Variants in SPEG observed in about 807,000 individuals in gnomAD.
SPEG encodes the protein striated muscle preferentially expressed protein kinase.
Under a neutral mutation model 300.4 loss-of-function variants are expected in SPEG, and 114 were observed. That is an observed-to-expected ratio of 0.38 (90% CI 0.33 to 0.44). SPEG has a LOEUF of 0.44. SPEG is among the 20% of genes least tolerant of loss of function. SPEG has a pLI of 1.00. For missense variants in SPEG, 4,201 were observed against 4,586.2 expected, an observed-to-expected ratio of 0.92 and a Z score of 2.43; for synonymous variants, 1,964 against 2,018.9, an observed-to-expected ratio of 0.97 and a Z score of 0.73.
chr2:219,485,388 G>A lies in SPEG; in HGVS notation c.7652G>A (p.Arg2551Gln), dbSNP rs779215975. The change falls in exon 31 of 41, where the codon CGG becomes CAG. Residue 2551 changes from arginine (R) to glutamine (Q), a missense_variant. Physicochemically the swap from Arg to Gln is conservative, Grantham distance 43. Around this residue, in one of 4 missense-constraint regions of SPEG, gnomAD observed 1,578 missense variants for 1,506.0 expected, o/e 1.05. Coordinates refer to ENST00000312358, the MANE Select transcript of SPEG (RefSeq NM_005876.5). ...SRSRLRWGFSRPRKDKGLSPP... is the reference protein window; with the variant it reads ...SRSRLRWGFSQPRKDKGLSPP... ...AGCCGGCTCCGCTGGGGCTTCTCTCGGCCGCGGAAGGACAAGGGGTTATCG... is the reference window on the plus strand; with the variant it reads ...AGCCGGCTCCGCTGGGGCTTCTCTCAGCCGCGGAAGGACAAGGGGTTATCG... 1.9e-6 allele frequency: 3 copies of A among 1,607,486 alleles called. No individual in the cohort carries two copies. Among genetic ancestry groups the A allele is most frequent in the East Asian group, 2.2e-5 (1 of 44,596 alleles).
chr2:219,468,105 C>T (rs901328768), intron 10 of SPEG, among the ~76,000 whole-genome samples: 2 of 152,238 alleles, frequency 1.3e-5, no homozygotes, highest in African/African-American at 4.8e-5. Flanking sequence ...CCCTTATCTC[C>T]TCCAGAAGCT....
Position 219,482,845 on chromosome 2 carries a change from G to GGTGGCAGGTAAGT in SPEG, c.5634+2_5634+14dup, listed in dbSNP as rs1559416869. 1.2e-6 allele frequency: 2 copies of GGTGGCAGGTAAGT among 1,613,858 alleles called. No individual in the cohort carries two copies. Among genetic ancestry groups the GGTGGCAGGTAAGT allele is most frequent in the South Asian group, 2.2e-5 (2 of 91,072 alleles). Reference sequence around the variant, plus strand: ...CTGAAGCTATTCCTCTCCCGGCGGAGGTGGCAGGTAAGTGTGGCAGGCCAG... The same window carrying GGTGGCAGGTAAGT: ...CTGAAGCTATTCCTCTCCCGGCGGAGGTGGCAGGTAAGTGTGGCAGGTAAGTGTGGCAGGCCAG... On this transcript the variant is annotated frameshift_variant, in exon 29 of 41. Transcript: ENST00000312358. LOFTEE classifies it high-confidence loss of function.
At chr2:219,488,730 C>T in intron 33 of SPEG, 48 bp from the exon 34 acceptor site, 2 of 1,611,404 alleles carry the variant, frequency 1.2e-6, no homozygotes, top group Non-Finnish European at 1.7e-6. Context: ...TTGAGGGGTT[C>T]TTAGCTAGGG....
In SPEG at chr2:219,493,234, A is replaced by T; in HGVS notation, c.*448A>T. ...GGAGTCAGTGTGGCAAAGCGGGGGCAGGACACAGATACAGTGGCAGGGGCC... is the reference window on the plus strand; with the variant it reads ...GGAGTCAGTGTGGCAAAGCGGGGGCTGGACACAGATACAGTGGCAGGGGCC... On this transcript the variant is annotated 3_prime_UTR_variant, in exon 41 of 41. Transcript: ENST00000312358. The T allele has an allele frequency of 2.7e-6, 1 of 367,412 alleles. No homozygotes were observed. The highest frequency in any genetic ancestry group is 2.1e-5 in the South Asian group (1 of 48,466). The allele number at this position is 367,412 out of a possible 1,614,324, so 22.8% of individuals were successfully genotyped here.
chr2:219,472,133 GC>G, intron 14 of SPEG, 93 bp from the exon 15 acceptor site: 1 of 1,522,600 alleles, frequency 6.6e-7, no homozygotes, highest in South Asian at 1.2e-5. Flanking sequence ...CTGCGGCTGA[GC>G]CCCCAGGCCC....
Position 219,493,320 on chromosome 2 carries a change from G to A in SPEG, c.*534G>A. The A allele has an allele frequency of 2.8e-6, 1 of 357,008 alleles. No homozygotes were observed. The highest frequency in any genetic ancestry group is 2.1e-5 in the South Asian group (1 of 47,778). The allele number at this position is 357,008 out of a possible 1,614,324, so 22.1% of individuals were successfully genotyped here. ...AGAGGGAGAAGAGAGGACTCAGGTGGAGGTGGGGTGGGTCAGCTGTCAGCA... is the reference window on the plus strand; with the variant it reads ...AGAGGGAGAAGAGAGGACTCAGGTGAAGGTGGGGTGGGTCAGCTGTCAGCA... On this transcript the variant is annotated 3_prime_UTR_variant, in exon 41 of 41. Transcript: ENST00000312358.
intron 9 of SPEG, chr2:219,466,166 A>AC: frequency 6.6e-7 from 1 of 1,519,304 alleles, no homozygotes; most frequent in Non-Finnish European, 8.8e-7. Context: ...CTGCCCACAG[A>AC]CCCAGGCCTG....
At position 219,448,192 on chromosome 2, in the gene SPEG, C is replaced by G; in HGVS notation, c.1034C>G (p.Pro345Arg). ...PHRRTQEPVL[P>R]EDTTTEEKRG... ...CGTCGCACTCAGGAGCCTGTGCTGC[C>G]CGAGGACACCACCACCGAAGAGAAG... Residue 345 changes from proline (P) to arginine (R), a missense_variant, in exon 4 of 41, where the codon CCC becomes CGC. Pro to Arg is a moderately radical substitution (Grantham distance 103, BLOSUM62 -2). Transcript: ENST00000312358. 1 of 1,612,358 alleles carries G rather than the reference C, an allele frequency of 6.2e-7. No homozygotes were observed.
Position 219,464,967 on chromosome 2 carries a change from C to A in SPEG, c.2881+359C>A, listed in dbSNP as rs928680771. On this transcript the variant is annotated intron_variant, in intron 9 of 40. Transcript: ENST00000312358. The surrounding 1 kb of genome is among the most constrained non-coding windows in gnomAD (Gnocchi z 4.5). ...CTCTGCCCAGGACCCTCCCTCATCCCCCTCCCCCTCTCCTCTCGCCCCTTT... is the reference window on the plus strand; with the variant it reads ...CTCTGCCCAGGACCCTCCCTCATCCACCTCCCCCTCTCCTCTCGCCCCTTT... 5.0e-6 allele frequency: 1 copy of A among 200,162 alleles called. No homozygotes were observed. The highest frequency in any genetic ancestry group is 1.3e-4 in the East Asian group (1 of 7,982). The allele number at this position is 200,162 out of a possible 1,614,324, so 12.4% of individuals were successfully genotyped here.
Position 219,461,886 on chromosome 2 carries a change from G to T in SPEG, c.2445G>T (p.Gly815=), listed in dbSNP as rs1426003759. The stretch of plus-strand genomic sequence containing the variant: ...GCTATCTCTGTCTCTCTCCAGGTGG[G>T]TCTACATCCCCTTTCAGCAGCCCCA... The part of the protein sequence containing the change: ...CAASLTVRPG[G]STSPFSSPIT... The change falls in exon 7 of 41, where the codon GGG becomes GGT. Residue 815 remains glycine (G), a synonymous_variant. Coordinates refer to ENST00000312358, the MANE Select transcript of SPEG (RefSeq NM_005876.5). 2 of 1,613,802 alleles carry T rather than the reference G, an allele frequency of 1.2e-6. No individual in the cohort carries two copies. The highest frequency in any genetic ancestry group is 2.2e-5 in the South Asian group (2 of 91,052).
At chr2:219,441,695 T>G in intron 1 of SPEG, 1 of 403,298 alleles carries the variant, frequency 2.5e-6, no homozygotes, top group Admixed American at 2.7e-5. Context: ...TGCCTAGGGC[T>G]CCGGAGGCAG....
chr2:219,436,810 C>A (rs1435055573), intron 1 of SPEG, among the ~76,000 whole-genome samples: 1 of 152,126 alleles, frequency 6.6e-6, no homozygotes. Context: ...TTCTAGCAGA[C>A]TTCGGAGCTG....
At chr2:219,456,481 G>A (rs1235172823) in intron 6 of SPEG, among the ~76,000 whole-genome samples, 1 of 152,252 alleles carries the variant, frequency 6.6e-6, no homozygotes, top group African/African-American at 2.4e-5. Flanking sequence ...AGGCCTGCCT[G>A]ACAGGTGGCC....
chr2:219,475,529 G>A (rs918577291), intron 18 of SPEG, among the ~76,000 whole-genome samples: 4 of 152,194 alleles, frequency 2.6e-5, no homozygotes, highest in Admixed American at 6.5e-5. Flanking sequence ...TGGCCGTGCT[G>A]TGAAGATGGT....
At chr2:219,468,376 T>C (rs1002277174) in intron 10 of SPEG, among the ~76,000 whole-genome samples, 6 of 152,082 alleles carry the variant, frequency 3.9e-5, no homozygotes, top group African/African-American at 1.4e-4. Context: ...ACCATGGCAG[T>C]CTGCACCCAC....
intron 22 of SPEG, among the ~76,000 whole-genome samples, chr2:219,478,872 A>T (rs750877160): frequency 1.2e-4 from 18 of 151,990 alleles, no homozygotes; most frequent in Non-Finnish European, 2.6e-4. Context: ...TTCCCATATT[A>T]CTCCTGGGAG....
intron 9 of SPEG, chr2:219,466,815 T>C: frequency 1.9e-6 from 2 of 1,042,844 alleles, no homozygotes; most frequent in Non-Finnish European, 2.3e-6. Flanking sequence ...CGTGGAGAAA[T>C]TTGGAAACAC....
chr2:219,439,723 G>C lies in SPEG; in HGVS notation c.388+4358G>C, dbSNP rs1954808122. Reference sequence around the variant, plus strand: ...TTCAGGAGTGAGCAGTGCCGACCCAGAGCAGGAACACAGAATCCTGCCGGC... The same window carrying C: ...TTCAGGAGTGAGCAGTGCCGACCCACAGCAGGAACACAGAATCCTGCCGGC... On this transcript the variant is annotated intron_variant, in intron 1 of 40. Coordinates refer to ENST00000312358, the MANE Select transcript of SPEG (RefSeq NM_005876.5). This position sits in a 1 kb window ranked among gnomAD's most constrained non-coding sequence, Gnocchi z 4.5. Among the ~76,000 whole-genome samples the C allele has an allele frequency of 6.6e-6, 1 of 152,178 alleles. No homozygotes were observed. The highest frequency in any genetic ancestry group is 1.5e-5 in the Non-Finnish European group (1 of 68,020).
chr2:219,477,599 T>G lies in SPEG; in HGVS notation c.4730-90T>G. On this transcript the variant is annotated intron_variant, in intron 20 of 40. Transcript: ENST00000312358. The surrounding 1 kb of genome is among the most constrained non-coding windows in gnomAD (Gnocchi z 6.4). Reference sequence around the variant, plus strand: ...TGAGCCCCCAACATTCTTGCACCTCTTCTCTCTTCTTCTTCTGTCCACCTG... The same window carrying G: ...TGAGCCCCCAACATTCTTGCACCTCGTCTCTCTTCTTCTTCTGTCCACCTG... 1.4e-6 allele frequency: 2 copies of G among 1,387,576 alleles called. No homozygotes were observed. Among genetic ancestry groups the G allele is most frequent in the Non-Finnish European group, 2.0e-6 (2 of 1,016,274 alleles). The allele number at this position is 1,387,576 out of a possible 1,614,324, so 86.0% of individuals were successfully genotyped here. A position where few individuals can be genotyped will look rare whatever the true frequency, so the allele number is the denominator to read the frequency against.
Sources: gnomAD v4.1 joint callset for allele counts (sites outside exome capture counted in the v4.1 genomes callset) on GRCh38, gnomAD v4.1.1 for gene constraint, gnomAD v4.1.1 regional missense constraint, Gnocchi (gnomAD v3.1) non-coding constraint, MANE v1.5 for transcripts, NCBI Gene and HGNC (gene_info 2026-07-23, HGNC 2026-07-21) for gene names.